Variants in ATP9B observed in about 807,000 individuals in gnomAD.
The protein encoded by ATP9B is probable phospholipid-transporting ATPase IIB.
Under a neutral mutation model 146.1 loss-of-function variants are expected in ATP9B, and 110 were observed. The observed-to-expected ratio is 0.75, with a 90% CI of 0.65 to 0.88. ATP9B has a LOEUF of 0.88. ATP9B is among the 40% of genes least tolerant of loss of function. The probability of loss-of-function intolerance (pLI) is 0.00; values close to 1 mark genes in which losing one functional copy is unlikely to be tolerated. For synonymous variants in ATP9B, 604 were observed against 569.7 expected (o/e 1.06, Z -0.86); for missense variants, 1,499 against 1,496.4 (o/e 1.00, Z -0.03).
intron 11 of ATP9B, among the ~76,000 whole-genome samples, chr18:79,245,593 A>T (rs111991863): frequency 2.2e-5 from 1 of 45,552 alleles, no homozygotes; most frequent in Non-Finnish European, 4.4e-5. Context: ...CACCGCCCTA[A>T]TGACTGTGCG....
chr18:79,119,010 G>T (rs1252440202), intron 4 of ATP9B, among the ~76,000 whole-genome samples: 1 of 150,970 alleles, frequency 6.6e-6, no homozygotes, highest in African/African-American at 2.4e-5. Context: ...CACAGAAATT[G>T]TTGTGAGCCA....
At chr18:79,307,511 G>T in intron 15 of ATP9B, 1 of 402,860 alleles carries the variant, frequency 2.5e-6, no homozygotes, top group South Asian at 3.6e-5. Flanking sequence ...ATACCAGCGA[G>T]GTTTACTGAT....
At chr18:79,199,020 C>G (rs956952756) in intron 9 of ATP9B, among the ~76,000 whole-genome samples, 1 of 152,056 alleles carries the variant, frequency 6.6e-6, no homozygotes, top group Non-Finnish European at 1.5e-5. Context: ...GGCGCAATCT[C>G]AGCTCACTGC....
intron 1 of ATP9B, among the ~76,000 whole-genome samples, chr18:79,083,314 C>G (rs7243136): frequency 0.25 from 38,024 of 152,164 alleles, 5,091 homozygotes; most frequent in East Asian, 0.5. Flanking sequence ...GCGAGCATTT[C>G]AAGCCAGTGA....
chr18:79,256,855 A>C (rs1445540997), intron 12 of ATP9B, among the ~76,000 whole-genome samples: 1 of 152,226 alleles, frequency 6.6e-6, no homozygotes, highest in African/African-American at 2.4e-5. Context: ...GCTTCTAGCG[A>C]ATCATCCTAC....
chr18:79,205,347 G>A (rs997096736), intron 9 of ATP9B, among the ~76,000 whole-genome samples: 2 of 152,020 alleles, frequency 1.3e-5, no homozygotes, highest in East Asian at 1.9e-4. Flanking sequence ...TGAGCAAAAC[G>A]GCCAAAATTA....
intron 11 of ATP9B, among the ~76,000 whole-genome samples, chr18:79,221,582 G>T (rs568455292): frequency 2.6e-5 from 4 of 152,234 alleles, no homozygotes; most frequent in African/African-American, 9.6e-5. Flanking sequence ...TTAGCCGGGC[G>T]TGGTGGCGTG....
chr18:79,137,195 G>C (rs1320314454), intron 5 of ATP9B, among the ~76,000 whole-genome samples: 1 of 152,088 alleles, frequency 6.6e-6, no homozygotes, highest in Admixed American at 6.5e-5. Flanking sequence ...TCTGGTCTGG[G>C]AATACAGTTT....
chr18:79,142,784 T>G (rs75033521), intron 5 of ATP9B, among the ~76,000 whole-genome samples: 1 of 152,342 alleles, frequency 6.6e-6, no homozygotes, highest in Non-Finnish European at 1.5e-5. Flanking sequence ...AGTTTTGATA[T>G]ATCCAAATCT....
chr18:79,311,167 A>G (rs1320778052), intron 15 of ATP9B, among the ~76,000 whole-genome samples: 1 of 152,154 alleles, frequency 6.6e-6, no homozygotes, highest in Non-Finnish European at 1.5e-5. Context: ...AAAGAAAAGA[A>G]ATGCTGGGCT....
chr18:79,305,338 T>C (rs1302528064), intron 14 of ATP9B, among the ~76,000 whole-genome samples: 1 of 152,250 alleles, frequency 6.6e-6, no homozygotes, highest in East Asian at 1.9e-4. Flanking sequence ...GCATAAGCTT[T>C]ACTGTCGGCA....
At chr18:79,290,085 G>T (rs1178338421) in intron 13 of ATP9B, among the ~76,000 whole-genome samples, 1 of 152,072 alleles carries the variant, frequency 6.6e-6, no homozygotes, top group Non-Finnish European at 1.5e-5. Context: ...ACTTGAGGAG[G>T]CAGTCTGCCC....
intron 7 of ATP9B, among the ~76,000 whole-genome samples, chr18:79,166,513 C>T (rs1372143312): frequency 2.0e-5 from 3 of 152,178 alleles, no homozygotes; most frequent in Non-Finnish European, 2.9e-5. Context: ...ACAGGCCTCC[C>T]TGTCAGCCTG....
intron 11 of ATP9B, among the ~76,000 whole-genome samples, chr18:79,214,759 A>T (rs2148424712): frequency 6.6e-6 from 1 of 152,334 alleles, no homozygotes; most frequent in Middle Eastern, 3.4e-3. Flanking sequence ...CCTCACATGG[A>T]TTTATGCCTC....
At position 79,143,867 on chromosome 18, in the gene ATP9B, G is replaced by C. The variant is rs770413722; in HGVS notation, c.726+7G>C. The C allele has an allele frequency of 1.3e-6, 2 of 1,552,172 alleles. No individual in the cohort carries two copies. The highest frequency in any genetic ancestry group is 2.4e-5 in the South Asian group (2 of 82,476). ...CCTCATCATAGTGGAAAAGGTTGAT[G>C]ATTTTTTAATATATTTTAGACCTAT... On this transcript the variant is annotated splice_region_variant and intron_variant, in intron 6 of 29. Coordinates refer to ENST00000426216, the MANE Select transcript of ATP9B (RefSeq NM_198531.5).
chr18:79,372,664 G>A (rs756539741), intron 26 of ATP9B, 161 bp from the exon 27 acceptor site: 2 of 691,640 alleles, frequency 2.9e-6, no homozygotes, highest in Admixed American at 2.0e-5. Flanking sequence ...TCGGGTGTCA[G>A]GAAAAGGCGC....
At chr18:79,217,821 G>C (rs1249991585) in intron 11 of ATP9B, among the ~76,000 whole-genome samples, 4 of 152,172 alleles carry the variant, frequency 2.6e-5, no homozygotes, top group Non-Finnish European at 5.9e-5. Flanking sequence ...TTCAAAGAAG[G>C]CTGGTGCAAA....
At chr18:79,240,082 C>T (rs1057419872) in intron 11 of ATP9B, among the ~76,000 whole-genome samples, 42 of 152,340 alleles carry the variant, frequency 2.8e-4, no homozygotes, top group African/African-American at 7.7e-4. Context: ...GGAGAGCCCT[C>T]CAGCTAGAAA....
At chr18:79,088,262 C>T (rs1568390796) in intron 1 of ATP9B, among the ~76,000 whole-genome samples, 2 of 152,160 alleles carry the variant, frequency 1.3e-5, no homozygotes, top group African/African-American at 2.4e-5. Context: ...TAAGACATAA[C>T]TGTTGAATAA....
Sources: gnomAD v4.1 joint callset for allele counts (sites outside exome capture counted in the v4.1 genomes callset) on GRCh38, gnomAD v4.1.1 for gene constraint, MANE v1.5 for transcripts, NCBI Gene and HGNC (gene_info 2026-07-23, HGNC 2026-07-21) for gene names.